The following ADCY5 variants were observed in gnomAD, a reference collection of about 807,000 sequenced individuals.
The protein encoded by ADCY5 is adenylate cyclase type 5.
A neutral mutation model predicts 119.7 loss-of-function variants in ADCY5; 30 were observed. The ratio of observed to expected loss-of-function variants is 0.25; its 90% CI spans 0.19 to 0.34. The LOEUF is 0.34. ADCY5 is among the 10% of genes least tolerant of loss of function. The pLI, the probability that ADCY5 is intolerant of heterozygous loss-of-function variation, is 1.00. For synonymous variants in ADCY5, 753 were observed against 762.2 expected (o/e 0.99, Z 0.20); for missense variants, 1,324 against 1,775.2 (o/e 0.75, Z 4.57).
At position 123,447,638 on chromosome 3, in the gene ADCY5, T is replaced by G; in HGVS notation, c.908A>C (p.Tyr303Ser). 1.2e-6 allele frequency: 2 copies of G among 1,609,174 alleles called. No homozygotes were observed. The highest frequency in any genetic ancestry group is 1.7e-6 in the Non-Finnish European group (2 of 1,178,522). The change falls in exon 1 of 21, where the codon TAT (tyrosine) becomes TCT (serine). Residue 303 changes from tyrosine to serine, a missense_variant. Around this residue, in one of 6 missense-constraint regions of ADCY5, gnomAD observed 585 missense variants for 569.9 expected, o/e 1.03. Transcript: ENST00000462833. ...FHQDHMGLACYALIAVVLAVQ... is the reference protein window; with the variant it reads ...FHQDHMGLACSALIAVVLAVQ... The stretch of plus-strand genomic sequence containing the variant: ...GGCCAGCACCACGGCGATGAGCGCA[T>G]AGCAGGCCAGGCCCATGTGGTCCTG...
chr3:123,322,359 G>T (rs1941263652), intron 8 of ADCY5, among the ~76,000 whole-genome samples: 3 of 152,116 alleles, frequency 2.0e-5, no homozygotes, highest in Admixed American at 1.3e-4. Flanking sequence ...ATGCTCCTTT[G>T]GTCACCTGCT....
intron 18 of ADCY5, 67 bp from the exon 19 acceptor site, chr3:123,290,021 G>A (rs1433012648): frequency 6.6e-7 from 1 of 1,525,986 alleles, no homozygotes; most frequent in African/African-American, 1.4e-5. Flanking sequence ...GGGAGGGACA[G>A]AGGATGTCCA....
intron 18 of ADCY5, among the ~76,000 whole-genome samples, chr3:123,290,734 C>CT (rs1339930922): frequency 6.6e-6 from 1 of 152,204 alleles, no homozygotes; most frequent in Admixed American, 6.5e-5. Context: ...GTCCCAGGCC[C>CT]TGGGACCCCA....
chr3:123,336,777 G>A (rs1158234895), intron 3 of ADCY5, among the ~76,000 whole-genome samples: 3 of 152,210 alleles, frequency 2.0e-5, no homozygotes, highest in African/African-American at 7.2e-5. Flanking sequence ...CAGGCCTGTG[G>A]TCAACTCATT....
chr3:123,377,475 G>A (rs2332510), intron 1 of ADCY5, among the ~76,000 whole-genome samples: 1 of 151,916 alleles, frequency 6.6e-6, no homozygotes. Flanking sequence ...CTCAGAGTGG[G>A]TCCCCCCACA....
At chr3:123,323,597 C>T (rs1187670179) in intron 8 of ADCY5, among the ~76,000 whole-genome samples, 1 of 151,970 alleles carries the variant, frequency 6.6e-6, no homozygotes, top group Non-Finnish European at 1.5e-5. Flanking sequence ...TCCTCTCTCT[C>T]GGCTCTCCTG....
chr3:123,385,119 T>C (rs974193042), intron 1 of ADCY5, among the ~76,000 whole-genome samples: 1 of 151,374 alleles, frequency 6.6e-6, no homozygotes, highest in Admixed American at 6.6e-5. Flanking sequence ...GGTAAGTAAA[T>C]AAACAAGCAA....
chr3:123,400,438 A>C (rs1410210646), intron 1 of ADCY5, among the ~76,000 whole-genome samples: 1 of 152,202 alleles, frequency 6.6e-6, no homozygotes, highest in Admixed American at 6.5e-5. Context: ...TAAGGAAATA[A>C]TCCTTAAAAA....
chr3:123,395,654 G>T (rs1429457967), intron 1 of ADCY5, among the ~76,000 whole-genome samples: 5 of 151,968 alleles, frequency 3.3e-5, no homozygotes, highest in African/African-American at 1.2e-4. Context: ...GAGGTGGGAG[G>T]ATTGCTTGAG....
intron 1 of ADCY5, among the ~76,000 whole-genome samples, chr3:123,432,485 A>G (rs1002505130): frequency 6.6e-6 from 1 of 152,152 alleles, no homozygotes; most frequent in African/African-American, 2.4e-5. Context: ...CGGATCCTAG[A>G]AAGGGAGAGG....
intron 19 of ADCY5, 192 bp from the exon 20 acceptor site, chr3:123,287,001 CAAG>C: frequency 1.4e-6 from 1 of 717,538 alleles, no homozygotes; most frequent in Non-Finnish European, 2.1e-6. Context: ...ATGCAAGACA[CAAG>C]GAGCCTGCAC....
At chr3:123,439,648 C>CTCTA (rs1448859223) in intron 1 of ADCY5, among the ~76,000 whole-genome samples, 2 of 6,112 alleles carry the variant, frequency 3.3e-4, no homozygotes, top group Non-Finnish European at 8.0e-3. Context: ...GGGTCTTGGG[C>CTCTA]TGTATCCCCC....
chr3:123,348,052 T>C, intron 2 of ADCY5, 149 bp from the exon 3 acceptor site: 1 of 734,514 alleles, frequency 1.4e-6, no homozygotes, highest in Non-Finnish European at 2.3e-6. Flanking sequence ...TGTGTGTGTG[T>C]GTGTGTGTGT....
intron 12 of ADCY5, among the ~76,000 whole-genome samples, chr3:123,312,880 G>A (rs1168320883): frequency 6.6e-6 from 1 of 151,840 alleles, no homozygotes; most frequent in Non-Finnish European, 1.5e-5. Flanking sequence ...ATGAAGAAGT[G>A]GAACTGTCCA....
At chr3:123,396,808 AGGCAGGCAGGC>A (rs1382388784) in intron 1 of ADCY5, among the ~76,000 whole-genome samples, 6 of 71,000 alleles carry the variant, frequency 8.5e-5, no homozygotes, top group South Asian at 5.1e-4. Flanking sequence ...GCAGGCAGGC[AGGCAGGCAGGC>A]GAGAGAGAGA....
At position 123,334,262 on chromosome 3, in the gene ADCY5, G is replaced by A. The variant is rs533601968; in HGVS notation, c.1407-1587C>T. Among the ~76,000 whole-genome samples, 10 of 152,172 alleles carry A rather than the reference G, an allele frequency of 6.6e-5. No homozygotes were observed. In the East Asian group the frequency reaches 9.7e-4, roughly 15 times the overall value. ...GGGTCAGTGTCCCCATTTCACAGAC[G>A]GGAGCCAAGTCTCAGAGCAGCCAGA... On this transcript the variant is annotated intron_variant, in intron 3 of 20. Coordinates refer to ENST00000462833, the MANE Select transcript of ADCY5 (RefSeq NM_183357.3).
chr3:123,375,958 G>A (rs1331895626), intron 1 of ADCY5, among the ~76,000 whole-genome samples: 2 of 144,080 alleles, frequency 1.4e-5, no homozygotes, highest in African/African-American at 2.6e-5. Context: ...GGAGCATGGC[G>A]GGAATCATGG....
intron 18 of ADCY5, among the ~76,000 whole-genome samples, chr3:123,290,822 TG>T (rs1425119275): frequency 1.3e-5 from 2 of 152,172 alleles, no homozygotes; most frequent in Non-Finnish European, 2.9e-5. Context: ...TCAAACAGTG[TG>T]GGCTGAAACC....
Position 123,297,362 on chromosome 3 carries a change from G to A in ADCY5, c.2921C>T (p.Thr974Ile). Reference sequence around the variant, plus strand: ...AGGAGCATCAACTCACCACTGGGAGGTCCCGTTGTTGAAGAAGTCTCTGTG... The same window carrying A: ...AGGAGCATCAACTCACCACTGGGAGATCCCGTTGTTGAAGAAGTCTCTGTG... ...ANAIDFFNNG[T>I]SQCPEHATKV... Residue 974 changes from threonine (T) to isoleucine (I), a missense_variant, in exon 16 of 21, where the codon ACC (threonine) becomes ATC (isoleucine). Thr to Ile is a moderately conservative substitution (Grantham distance 89). Coordinates refer to ENST00000462833, the MANE Select transcript of ADCY5 (RefSeq NM_183357.3). 6.2e-7 allele frequency: 1 copy of A among 1,614,002 alleles called. No homozygotes were observed. Among genetic ancestry groups the A allele is most frequent in the Non-Finnish European group, 8.5e-7 (1 of 1,179,996 alleles).
Sources: gnomAD v4.1 joint callset for allele counts (sites outside exome capture counted in the v4.1 genomes callset) on GRCh38, gnomAD v4.1.1 for gene constraint, gnomAD v4.1.1 regional missense constraint, MANE v1.5 for transcripts, NCBI Gene and HGNC (gene_info 2026-07-23, HGNC 2026-07-21) for gene names.